TBC1D9: variants seen among roughly 807,000 people sequenced by gnomAD.
TBC1D9 encodes the protein TBC1 domain family member 9A.
In TBC1D9, 63 loss-of-function variants were observed where a neutral mutation model predicts 132.0. The ratio of observed to expected loss-of-function variants is 0.48; its 90% CI spans 0.39 to 0.59. The LOEUF (loss-of-function observed/expected upper bound fraction) is 0.59. Ranked by LOEUF, TBC1D9 falls within the 20% of genes least tolerant of loss-of-function variation. The pLI is 0.00. For missense variants in TBC1D9, 1,261 were observed against 1,592.7 expected, an observed-to-expected ratio of 0.79 and a Z score of 3.54; for synonymous variants, 610 against 609.9, an observed-to-expected ratio of 1.00 and a Z score of 0.00.
intron 1 of TBC1D9, among the ~76,000 whole-genome samples, chr4:140,743,881 C>T (rs978470865): frequency 2.2e-4 from 33 of 152,180 alleles, no homozygotes; most frequent in Non-Finnish European, 2.8e-4. Flanking sequence ...AGCAGGTCTG[C>T]CTCAACCTTT....
intron 1 of TBC1D9, among the ~76,000 whole-genome samples, chr4:140,729,561 T>C (rs1410324945): frequency 1.3e-5 from 2 of 152,062 alleles, no homozygotes; most frequent in East Asian, 3.9e-4. Context: ...CATATTCCTT[T>C]GTAAAAATCC....
intron 3 of TBC1D9, among the ~76,000 whole-genome samples, chr4:140,682,038 A>G (rs548835567): frequency 7.2e-5 from 11 of 152,230 alleles, no homozygotes; most frequent in Non-Finnish European, 1.6e-4. Flanking sequence ...AAGATGTTCA[A>G]TATTACTAAA....
Position 140,678,997 on chromosome 4 carries a change from G to A in TBC1D9, c.796C>T (p.Arg266Ter), listed in dbSNP as rs916253445. 4 of 1,613,874 alleles carry A rather than the reference G, an allele frequency of 2.5e-6. No individual in the cohort carries two copies. The highest frequency in any genetic ancestry group is 2.5e-6 in the Non-Finnish European group (3 of 1,179,838). ...TTCCTTTTGAGTTTGGGCAGGGATC[G>A]ATCTTGTTCAAATCCCTCATTGTCT... Reference protein sequence around the residue: ...LLDNEGFEQDRSLPKLKRKSP... With the variant: ...LLDNEGFEQD The change falls in exon 5 of 21, where the codon CGA becomes TGA. Residue 266 changes from arginine (R) to a stop codon, truncating the protein, a stop_gained. Transcript: ENST00000442267. LOFTEE classifies it high-confidence loss of function.
intron 1 of TBC1D9, among the ~76,000 whole-genome samples, chr4:140,722,321 G>T (rs1316916964): frequency 6.6e-6 from 1 of 152,222 alleles, no homozygotes; most frequent in Non-Finnish European, 1.5e-5. Context: ...CTGCAACCAA[G>T]TGTGGTTGTT....
At chr4:140,748,288 T>C (rs1396923028) in intron 1 of TBC1D9, among the ~76,000 whole-genome samples, 1 of 152,146 alleles carries the variant, frequency 6.6e-6, no homozygotes, top group African/African-American at 2.4e-5. Flanking sequence ...GAGATAGTTA[T>C]TAACTTGGAA....
chr4:140,690,307 A>G (rs1737857777), intron 2 of TBC1D9, among the ~76,000 whole-genome samples: 1 of 152,082 alleles, frequency 6.6e-6, no homozygotes, highest in African/African-American at 2.4e-5. Context: ...CTGCTGCCTC[A>G]GGACCTGCTG....
intron 1 of TBC1D9, 72 bp from the exon 2 acceptor site, chr4:140,701,686 G>A (rs1395752852): frequency 3.5e-6 from 4 of 1,158,156 alleles, no homozygotes; most frequent in Admixed American, 4.0e-5. Flanking sequence ...GGGGCAGCAT[G>A]AACATGCCCT....
chr4:140,693,130 C>A (rs555302804), intron 2 of TBC1D9, among the ~76,000 whole-genome samples: 3 of 151,906 alleles, frequency 2.0e-5, no homozygotes, highest in African/African-American at 7.2e-5. Flanking sequence ...TTTTTCATTT[C>A]TTTATTTATT....
At chr4:140,681,189 C>T (rs1737697846) in intron 3 of TBC1D9, among the ~76,000 whole-genome samples, 1 of 152,184 alleles carries the variant, frequency 6.6e-6, no homozygotes, top group South Asian at 2.1e-4. Flanking sequence ...GTCATTTCTG[C>T]ACTTTCCCAC....
intron 1 of TBC1D9, among the ~76,000 whole-genome samples, chr4:140,747,614 G>A (rs999661764): frequency 4.6e-5 from 7 of 152,108 alleles, no homozygotes; most frequent in African/African-American, 1.7e-4. Flanking sequence ...AAAAAGACAG[G>A]CTCCAAGGGG....
At chr4:140,668,262 A>C (rs1480356465) in intron 9 of TBC1D9, among the ~76,000 whole-genome samples, 2 of 152,210 alleles carry the variant, frequency 1.3e-5, no homozygotes, top group Non-Finnish European at 2.9e-5. Flanking sequence ...AGAATGATGG[A>C]CAGGCACAAG....
At chr4:140,656,043 A>G (rs1014463312) in intron 13 of TBC1D9, among the ~76,000 whole-genome samples, 2 of 152,070 alleles carry the variant, frequency 1.3e-5, no homozygotes, top group African/African-American at 4.8e-5. Flanking sequence ...ATGTGCTACT[A>G]TGGTATTAGA....
chr4:140,746,638 G>A (rs1195363050), intron 1 of TBC1D9, among the ~76,000 whole-genome samples: 1 of 152,154 alleles, frequency 6.6e-6, no homozygotes, highest in Admixed American at 6.5e-5. Context: ...GCAAAGGGAC[G>A]TCTCATATGG....
At chr4:140,665,668 A>C (rs1737431452) in intron 9 of TBC1D9, among the ~76,000 whole-genome samples, 1 of 152,154 alleles carries the variant, frequency 6.6e-6, no homozygotes, top group Non-Finnish European at 1.5e-5. Context: ...TGAATTTTCT[A>C]AATTTTAAAT....
intron 2 of TBC1D9, among the ~76,000 whole-genome samples, chr4:140,697,450 C>T (rs1325838924): frequency 6.6e-6 from 1 of 152,162 alleles, no homozygotes; most frequent in Non-Finnish European, 1.5e-5. Flanking sequence ...CCTGTCACTT[C>T]CTTCTGTGCA....
chr4:140,664,271 G>A (rs1365736672), intron 9 of TBC1D9, among the ~76,000 whole-genome samples: 4 of 150,328 alleles, frequency 2.7e-5, no homozygotes, highest in Non-Finnish European at 4.4e-5. Context: ...AAAATATTTC[G>A]GAATAAATAT....
intron 13 of TBC1D9, among the ~76,000 whole-genome samples, chr4:140,655,559 T>C (rs1466316905): frequency 1.3e-5 from 2 of 152,176 alleles, no homozygotes; most frequent in Non-Finnish European, 2.9e-5. Flanking sequence ...ATCATTTCTA[T>C]AAAAGTTTAG....
chr4:140,726,828 T>C (rs961586590), intron 1 of TBC1D9, among the ~76,000 whole-genome samples: 1 of 152,218 alleles, frequency 6.6e-6, no homozygotes, highest in Non-Finnish European at 1.5e-5. Flanking sequence ...ACCACAACTT[T>C]TCTCTATTCT....
At chr4:140,636,565 T>C (rs1736883977) in intron 15 of TBC1D9, among the ~76,000 whole-genome samples, 1 of 151,966 alleles carries the variant, frequency 6.6e-6, no homozygotes, top group Non-Finnish European at 1.5e-5. Context: ...AAAATATATA[T>C]TTTTTAGTGA....
Sources: allele counts gnomAD v4.1 joint callset (sites outside exome capture counted in the v4.1 genomes callset), GRCh38; gene constraint gnomAD v4.1.1; transcripts MANE v1.5; gene names NCBI Gene and HGNC (gene_info 2026-07-23, HGNC 2026-07-21).